The following CHM variants were observed in gnomAD, a reference collection of about 807,000 sequenced individuals.
CHM encodes CHM Rab escort protein, also known as rab proteins geranylgeranyltransferase component A 1.
Under a neutral mutation model 49.0 loss-of-function variants are expected in CHM, and 10 were observed. The ratio of observed to expected loss-of-function variants is 0.20; its 90% CI spans 0.13 to 0.35. The LOEUF is 0.35. Among genes scored for constraint, CHM ranks in the 10% least tolerant of loss-of-function variants. The probability of loss-of-function intolerance (pLI) is 1.00; values close to 1 mark genes in which losing one functional copy is unlikely to be tolerated. For missense variants in CHM, 455 were observed against 478.4 expected (o/e 0.95, Z 0.46); for synonymous variants, 184 against 167.5 (o/e 1.10, Z -0.76).
chrX:85,960,017 A>G (rs1048577231), intron 5 of CHM, among the ~76,000 whole-genome samples: 3 of 111,762 alleles, frequency 2.7e-5, no homozygotes, highest in African/African-American at 9.8e-5. Context: ...ACTTTTTTGA[A>G]GCTAATCTGA....
At chrX:85,942,570 T>C (rs1314296990) in intron 8 of CHM, among the ~76,000 whole-genome samples, 1 of 111,074 alleles carries the variant, frequency 9.0e-6, no homozygotes, top group East Asian at 2.9e-4. Flanking sequence ...TCAGCTGCAG[T>C]GCTGCAAAAG....
chrX:85,957,159 CT>C (rs1479281257), intron 7 of CHM, among the ~76,000 whole-genome samples: 1 of 112,060 alleles, frequency 8.9e-6, no homozygotes, highest in African/African-American at 3.2e-5. Flanking sequence ...AAAAATATCG[CT>C]GCACTTCTCA....
intron 2 of CHM, among the ~76,000 whole-genome samples, chrX:85,982,510 T>C (rs1931684472): frequency 8.9e-6 from 1 of 112,285 alleles, no homozygotes; most frequent in African/African-American, 3.2e-5. Flanking sequence ...GATCGCTGTT[T>C]TGGACAACCC....
At chrX:85,930,953 TG>T (rs1928391701) in intron 8 of CHM, among the ~76,000 whole-genome samples, 1 of 111,578 alleles carries the variant, frequency 9.0e-6, no homozygotes. Flanking sequence ...ACAACAAACA[TG>T]TTTACAAAAT....
rs745690165 is a variant in CHM, at chrX:85,956,456, A to C, written c.941-78T>G. ...AAACCACCCCACAAAAAGGAGATGAAGTGTGTTTCACAGACCTCACAAAGG... is the reference window on the plus strand; with the variant it reads ...AAACCACCCCACAAAAAGGAGATGACGTGTGTTTCACAGACCTCACAAAGG... On this transcript the variant is annotated intron_variant, in intron 7 of 14. Transcript: ENST00000357749. The C allele has an allele frequency of 5.8e-4, 654 of 1,133,966 alleles. 4 individuals are homozygous for C. In the African/African-American group the frequency reaches 0.011, roughly 19 times the overall value. The allele number at this position is 1,133,966 out of a possible 1,213,427, so 93.5% of individuals were successfully genotyped here.
intron 8 of CHM, among the ~76,000 whole-genome samples, chrX:85,932,528 C>G (rs748811990): frequency 1.8e-5 from 2 of 112,050 alleles, no homozygotes; most frequent in Admixed American, 1.9e-4. Context: ...GTAGTGCAGT[C>G]TCATCGTGGC....
rs1483517376 is a variant in CHM, at chrX:85,896,663, C to G, written c.1414-2379G>C. 3.7e-5 allele frequency among the ~76,000 whole-genome samples: 4 copies of G among 107,360 alleles called. No homozygotes were observed. In the East Asian group the frequency reaches 1.2e-3, roughly 31 times the overall value. 93.2% of individuals were successfully genotyped at this position (107,360 alleles called of 115,157 possible). A position where few individuals can be genotyped will look rare whatever the true frequency, so the allele number is the denominator to read the frequency against. ...TCTAGTGAGTATGCCCAAAGCAAGG[C>G]ATACTGTGGGCTGAGGGAAAAATAC... On this transcript the variant is annotated intron_variant, in intron 11 of 14. Coordinates refer to ENST00000357749, the MANE Select transcript of CHM (RefSeq NM_000390.4).
intron 2 of CHM, among the ~76,000 whole-genome samples, chrX:86,011,027 C>A (rs1016832542): frequency 9.0e-6 from 1 of 111,554 alleles, no homozygotes; most frequent in Non-Finnish European, 1.9e-5. Flanking sequence ...TTGTAAATTA[C>A]TACCAACAGC....
chrX:85,882,937 C>T (rs1392432891), intron 12 of CHM, among the ~76,000 whole-genome samples: 2 of 111,138 alleles, frequency 1.8e-5, no homozygotes, highest in African/African-American at 6.5e-5. Context: ...TTCTCTCTGG[C>T]TTCAGTGTCC....
At chrX:86,005,232 C>T (rs775623508) in intron 2 of CHM, among the ~76,000 whole-genome samples, 2 of 112,083 alleles carry the variant, frequency 1.8e-5, no homozygotes, top group East Asian at 2.8e-4. Context: ...AAAGACACAA[C>T]ATACCAGAAT....
intron 8 of CHM, among the ~76,000 whole-genome samples, chrX:85,916,559 C>T (rs867413404): frequency 7.2e-5 from 8 of 111,440 alleles, no homozygotes; most frequent in Non-Finnish European, 1.3e-4. Flanking sequence ...TATCTAAGGT[C>T]TAATATCCAG....
chrX:85,991,173 C>T (rs1293398409), intron 2 of CHM, among the ~76,000 whole-genome samples: 5 of 111,759 alleles, frequency 4.5e-5, no homozygotes, highest in Non-Finnish European at 9.4e-5. Flanking sequence ...CCATTGACAG[C>T]AGTTTTAATT....
rs540079540 is a variant in CHM at position 85,904,161 on chromosome X, T to A, written c.1245-2973A>T. Among the ~76,000 whole-genome samples the A allele has an allele frequency of 2.7e-5, 3 of 110,959 alleles. No homozygotes were observed. The South Asian group carries it at 1.2e-3, about 43-fold the overall frequency. ...AACAGTGCTGCCAGAGTCATGAAAATACCCCTCCCACATAAACCTGAGGAA... is the reference window on the plus strand; with the variant it reads ...AACAGTGCTGCCAGAGTCATGAAAAAACCCCTCCCACATAAACCTGAGGAA... On this transcript the variant is annotated intron_variant, in intron 9 of 14. Transcript: ENST00000357749.
intron 1 of CHM, among the ~76,000 whole-genome samples, chrX:86,041,132 C>G (rs1462718022): frequency 2.7e-5 from 3 of 110,964 alleles, no homozygotes; most frequent in Non-Finnish European, 5.7e-5. Context: ...GCCTGTTATC[C>G]AAAACATCAT....
intron 1 of CHM, among the ~76,000 whole-genome samples, chrX:86,035,003 G>A (rs1186139762): frequency 9.0e-6 from 1 of 110,885 alleles, no homozygotes; most frequent in Non-Finnish European, 1.9e-5. Flanking sequence ...AGTAACTGCT[G>A]GGAACCTAAT....
intron 13 of CHM, among the ~76,000 whole-genome samples, chrX:85,877,751 T>A (rs1393163520): frequency 9.5e-6 from 1 of 105,314 alleles, no homozygotes; most frequent in Non-Finnish European, 2.0e-5. Flanking sequence ...AAAAAAAAAA[T>A]TAAAGAACAG....
At chrX:85,923,042 C>T (rs1222994556) in intron 8 of CHM, among the ~76,000 whole-genome samples, 1 of 111,679 alleles carries the variant, frequency 9.0e-6, no homozygotes, top group Non-Finnish European at 1.9e-5. Context: ...AAGTGTATAA[C>T]TTTAGTAATG....
chrX:85,922,269 ATAAAG>A (rs1167375932), intron 8 of CHM, among the ~76,000 whole-genome samples: 3 of 112,920 alleles, frequency 2.7e-5, no homozygotes, highest in African/African-American at 9.6e-5. Context: ...GATCTACAGT[ATAAAG>A]TAAATTATCA....
intron 13 of CHM, among the ~76,000 whole-genome samples, chrX:85,877,918 A>G (rs371811939): frequency 4.4e-4 from 49 of 112,067 alleles, no homozygotes; most frequent in South Asian, 2.2e-3. Context: ...AAGAAAATAA[A>G]GATATATAAA....
Sources: allele counts gnomAD v4.1 joint callset (sites outside exome capture counted in the v4.1 genomes callset), GRCh38; gene constraint gnomAD v4.1.1; transcripts MANE v1.5; gene names NCBI Gene and HGNC (gene_info 2026-07-23, HGNC 2026-07-21).